TSPAN7: variants seen among roughly 807,000 people sequenced by gnomAD.
TSPAN7 encodes the protein tetraspanin 7, also known as tetraspanin-7.
A neutral mutation model predicts 17.6 loss-of-function variants in TSPAN7; 1 was observed. That is an observed-to-expected ratio of 0.06 (90% confidence interval 0.02 to 0.27). TSPAN7 has a LOEUF of 0.27. Ranked by LOEUF, TSPAN7 falls within the 10% of genes least tolerant of loss-of-function variation. The probability of loss-of-function intolerance (pLI) is 1.00; values close to 1 mark genes in which losing one functional copy is unlikely to be tolerated. For missense variants in TSPAN7, 112 were observed against 201.7 expected (o/e 0.56, Z 2.69); for synonymous variants, 78 against 79.0 (o/e 0.99, Z 0.07).
At chrX:38,652,729 G>A (rs1035991642) in intron 1 of TSPAN7, among the ~76,000 whole-genome samples, 8 of 112,410 alleles carry the variant, frequency 7.1e-5, no homozygotes, top group Non-Finnish European at 1.5e-4. Context: ...AAGGGAAAAG[G>A]CCAGTGCCCC....
chrX:38,599,076 A>T (rs755018933), intron 1 of TSPAN7, among the ~76,000 whole-genome samples: 3 of 111,832 alleles, frequency 2.7e-5, no homozygotes, highest in African/African-American at 9.7e-5. Flanking sequence ...GATGAATCTT[A>T]TTAAGTTAAA....
intron 1 of TSPAN7, among the ~76,000 whole-genome samples, chrX:38,591,818 A>T (rs1459403219): frequency 1.8e-5 from 2 of 112,577 alleles, no homozygotes; most frequent in Non-Finnish European, 3.8e-5. Flanking sequence ...TGATATTAAC[A>T]TAACAACATA....
At chrX:38,684,412 G>T (rs909378454) in intron 6 of TSPAN7, among the ~76,000 whole-genome samples, 2 of 111,380 alleles carry the variant, frequency 1.8e-5, no homozygotes, top group Non-Finnish European at 3.8e-5. Context: ...AGAAGGTTGA[G>T]TGTGTTTAGT....
rs375189906 is a variant in TSPAN7, at chrX:38,658,906, T to G, written c.82-7215T>G. Among the ~76,000 whole-genome samples, 12 of 110,479 alleles carry G rather than the reference T, an allele frequency of 1.1e-4. No homozygotes were observed. The East Asian group carries it at 3.4e-3, about 32-fold the overall frequency. On this transcript the variant is annotated intron_variant, in intron 1 of 7. Coordinates refer to ENST00000378482, the MANE Select transcript of TSPAN7 (RefSeq NM_004615.4). ...GATTCAATTTTAACAAGTCAGCACTTAAGATTATCTCACTCCTCTCCCGCT... is the reference window on the plus strand; with the variant it reads ...GATTCAATTTTAACAAGTCAGCACTGAAGATTATCTCACTCCTCTCCCGCT...
intron 2 of TSPAN7, among the ~76,000 whole-genome samples, chrX:38,670,530 G>A (rs1316162713): frequency 1.8e-5 from 2 of 112,184 alleles, no homozygotes; most frequent in Non-Finnish European, 3.8e-5. Context: ...TAAACTCCAC[G>A]CAGCATCCCG....
At chrX:38,672,308 G>GT (rs750276053) in intron 3 of TSPAN7, among the ~76,000 whole-genome samples, 58 of 104,043 alleles carry the variant, frequency 5.6e-4, no homozygotes, top group South Asian at 8.5e-4. Flanking sequence ...CCCAGGCCCT[G>GT]TTTTTTTTTT....
At chrX:38,595,074 T>C (rs1329268287) in intron 1 of TSPAN7, among the ~76,000 whole-genome samples, 2 of 111,614 alleles carry the variant, frequency 1.8e-5, no homozygotes, top group Non-Finnish European at 1.9e-5. Flanking sequence ...AAACTATTTT[T>C]AACGAATAAT....
chrX:38,636,734 C>T (rs142302185), intron 1 of TSPAN7, among the ~76,000 whole-genome samples: 2,624 of 109,780 alleles, frequency 0.024, 98 homozygotes, highest in African/African-American at 0.084. Flanking sequence ...GGAGTGCAAT[C>T]GCGCGATCTT....
chrX:38,609,647 T>C (rs2069407086), intron 1 of TSPAN7, among the ~76,000 whole-genome samples: 1 of 108,078 alleles, frequency 9.3e-6, no homozygotes, highest in South Asian at 4.0e-4. Context: ...TATACATATA[T>C]ATATGTATAT....
At chrX:38,614,991 TC>T (rs2069446186) in intron 1 of TSPAN7, among the ~76,000 whole-genome samples, 1 of 89,622 alleles carries the variant, frequency 1.1e-5, no homozygotes, top group Non-Finnish European at 2.2e-5. Flanking sequence ...ACAGATTTAT[TC>T]TTTTTTTTTT....
chrX:38,571,253 A>G (rs2069168207), intron 1 of TSPAN7, among the ~76,000 whole-genome samples: 1 of 111,214 alleles, frequency 9.0e-6, no homozygotes, highest in Non-Finnish European at 1.9e-5. Context: ...CATAGGTACT[A>G]GATCAGTGAT....
intron 1 of TSPAN7, among the ~76,000 whole-genome samples, chrX:38,619,928 A>G: frequency 1.8e-5 from 2 of 112,549 alleles, no homozygotes; most frequent in Middle Eastern, 4.6e-3. Context: ...TAATTTAAAC[A>G]TAATGTATTT....
chrX:38,584,274 G>C lies in TSPAN7; in HGVS notation c.81+22647G>C, dbSNP rs958166187. Among the ~76,000 whole-genome samples the C allele has an allele frequency of 2.7e-5, 3 of 110,796 alleles. No individual in the cohort carries two copies. In the Admixed American group the frequency reaches 2.9e-4, roughly 11 times the overall value. ...GGCAAACCTGATTTTTTTTAAGGGA[G>C]ATATATAAATAATGTAGTAGAAATG... On this transcript the variant is annotated intron_variant, in intron 1 of 7. Coordinates refer to ENST00000378482, the MANE Select transcript of TSPAN7 (RefSeq NM_004615.4).
Position 38,618,752 on chromosome X carries a change from G to A in TSPAN7, c.82-47369G>A, listed in dbSNP as rs139100370. ...TTTTCCTTCATTTGATTCTCTGTGA[G>A]ATGCTGTGTTAGGTCTAGGGGCTTC... is the stretch of plus-strand genomic sequence containing the variant. On this transcript the variant is annotated intron_variant, in intron 1 of 7. Transcript: ENST00000378482. Among the ~76,000 whole-genome samples the A allele has an allele frequency of 1.5e-4, 17 of 111,643 alleles. No homozygotes were observed. The East Asian group carries it at 4.2e-3, about 28-fold the overall frequency.
chrX:38,606,986 A>G (rs1231302792), intron 1 of TSPAN7, among the ~76,000 whole-genome samples: 3 of 111,590 alleles, frequency 2.7e-5, no homozygotes, highest in African/African-American at 9.8e-5. Flanking sequence ...GGACAGCCTG[A>G]GAAAATAAGA....
intron 1 of TSPAN7, among the ~76,000 whole-genome samples, chrX:38,661,142 G>C (rs763182412): frequency 8.9e-6 from 1 of 112,092 alleles, no homozygotes; most frequent in East Asian, 2.8e-4. Context: ...AGACTTATCA[G>C]TATTAGCCAG....
intron 1 of TSPAN7, among the ~76,000 whole-genome samples, chrX:38,615,906 C>T (rs878966501): frequency 9.0e-6 from 1 of 111,714 alleles, no homozygotes; most frequent in Non-Finnish European, 1.9e-5. Flanking sequence ...TAGACAACCT[C>T]GCACAAGGGA....
intron 1 of TSPAN7, 61 bp downstream of exon 1, chrX:38,561,688 C>A: frequency 9.7e-7 from 1 of 1,026,880 alleles, no homozygotes; most frequent in Non-Finnish European, 1.3e-6. Context: ...TGATGATGCT[C>A]TGAGAAAAGA....
chrX:38,676,272 G>A (rs1290430095), intron 5 of TSPAN7, among the ~76,000 whole-genome samples: 1 of 111,596 alleles, frequency 9.0e-6, no homozygotes, highest in Non-Finnish European at 1.9e-5. Context: ...TTGACAGACA[G>A]CATCTGCTTC....
Sources: gnomAD v4.1 joint callset for allele counts (sites outside exome capture counted in the v4.1 genomes callset) on GRCh38, gnomAD v4.1.1 for gene constraint, MANE v1.5 for transcripts, NCBI Gene and HGNC (gene_info 2026-07-23, HGNC 2026-07-21) for gene names.